Variants in HSPA12A observed in about 807,000 individuals in gnomAD.
The protein encoded by HSPA12A is heat shock 70 kDa protein 12A.
A neutral mutation model predicts 69.2 loss-of-function variants in HSPA12A; 28 were observed. That is an observed-to-expected ratio of 0.40 (90% CI 0.30 to 0.55). HSPA12A has a LOEUF of 0.55. HSPA12A is among the 20% of genes least tolerant of loss of function. The pLI is 0.38. For missense variants in HSPA12A, 686 were observed against 900.7 expected (o/e 0.76, Z 3.05); for synonymous variants, 345 against 370.5 (o/e 0.93, Z 0.79).
chr10:116,722,100 C>T (rs901144470), intron 1 of HSPA12A, among the ~76,000 whole-genome samples: 3 of 152,224 alleles, frequency 2.0e-5, no homozygotes, highest in African/African-American at 4.8e-5. Flanking sequence ...CCCTCCCAGG[C>T]GCAGGCCTGC....
At chr10:116,696,002 CAAAA>C (rs71013609) in intron 5 of HSPA12A, among the ~76,000 whole-genome samples, 10 of 32,722 alleles carry the variant, frequency 3.1e-4, no homozygotes, top group South Asian at 2.3e-3. Flanking sequence ...GACTCCATCT[CAAAA>C]AAAAAAAAAA....
intron 1 of HSPA12A, 51 bp downstream of exon 1, chr10:116,742,378 CT>C: frequency 7.0e-7 from 1 of 1,421,392 alleles, no homozygotes; most frequent in Non-Finnish European, 9.2e-7. Context: ...AGCGCGCCTC[CT>C]CCCTCCCTGC....
chr10:116,745,896 C>G (rs1263568913), upstream of HSPA12A, among the ~76,000 whole-genome samples: 2 of 152,142 alleles, frequency 1.3e-5, no homozygotes, highest in South Asian at 2.1e-4. Flanking sequence ...AACTGAGATA[C>G]AGAAAGGTCA....
chr10:116,678,677 G>A (rs1274018805), intron 10 of HSPA12A, among the ~76,000 whole-genome samples: 1 of 151,678 alleles, frequency 6.6e-6, no homozygotes, highest in African/African-American at 2.4e-5. Context: ...AAGTGTTATC[G>A]TGGTATTGTG....
At chr10:116,849,322 C>G (rs1845978777) in intron 1 of HSPA12A, among the ~76,000 whole-genome samples, 1 of 152,188 alleles carries the variant, frequency 6.6e-6, no homozygotes, top group Non-Finnish European at 1.5e-5. Context: ...CCGGGAGGGC[C>G]CTAGTCTCGG....
intron 2 of HSPA12A, among the ~76,000 whole-genome samples, chr10:116,810,988 T>TA (rs919809181): frequency 3.2e-4 from 49 of 152,102 alleles, no homozygotes; most frequent in African/African-American, 1.2e-3. Flanking sequence ...AAAACAAAGA[T>TA]AATCACCGGC....
intron 10 of HSPA12A, among the ~76,000 whole-genome samples, chr10:116,678,586 G>GAGA (rs1849310750): frequency 7.8e-6 from 1 of 128,674 alleles, no homozygotes; most frequent in African/African-American, 2.9e-5. Context: ...GGTACAAAGT[G>GAGA]AAAAAAAAAA....
chr10:116,838,478 C>G (rs1203030204), intron 1 of HSPA12A, among the ~76,000 whole-genome samples: 1 of 152,198 alleles, frequency 6.6e-6, no homozygotes, highest in Non-Finnish European at 1.5e-5. Context: ...ACACACACAT[C>G]ATCAGTGGAA....
chr10:116,790,184 C>A (rs888120851), intron 2 of HSPA12A, among the ~76,000 whole-genome samples: 1 of 147,450 alleles, frequency 6.8e-6, no homozygotes, highest in African/African-American at 2.5e-5. Flanking sequence ...TCACTGCAGG[C>A]TCCGCGCCCT....
chr10:116,830,599 A>C (rs1194781370), intron 2 of HSPA12A: 1 of 151,950 alleles, frequency 6.6e-6, no homozygotes, highest in Non-Finnish European at 1.5e-5. Flanking sequence ...GTGAAACCCC[A>C]TCTCTACAAA....
At chr10:116,711,605 C>T (rs11815267) in intron 1 of HSPA12A, among the ~76,000 whole-genome samples, 39,971 of 151,400 alleles carry the variant, frequency 0.26, 5,517 homozygotes, top group East Asian at 0.42. Flanking sequence ...TCCCATAATA[C>T]AGAGAGAGTC....
At position 116,686,681 on chromosome 10, in the gene HSPA12A, G is replaced by C. The variant is rs1849583334; in HGVS notation, c.664-2719C>G. 6.6e-6 allele frequency among the ~76,000 whole-genome samples: 1 copy of C among 152,118 alleles called. No individual in the cohort carries two copies. Among genetic ancestry groups the C allele is most frequent in the Non-Finnish European group, 1.5e-5 (1 of 68,022 alleles). The stretch of plus-strand genomic sequence containing the variant: ...GGCCTGGGCCACGGCAGCAGGGACA[G>C]GGATGGGAAGGGAGAAAGGGTGGCA... On this transcript the variant is annotated intron_variant, in intron 6 of 11. Coordinates refer to ENST00000369209, the MANE Select transcript of HSPA12A (RefSeq NM_025015.3). This position sits in a 1 kb window ranked among gnomAD's most constrained non-coding sequence, Gnocchi z 4.1.
intron 10 of HSPA12A, among the ~76,000 whole-genome samples, chr10:116,678,743 T>C (rs1849316042): frequency 6.6e-6 from 1 of 152,212 alleles, no homozygotes; most frequent in African/African-American, 2.4e-5. Flanking sequence ...GATGAGATGC[T>C]AATTTCTAAG....
intron 1 of HSPA12A, among the ~76,000 whole-genome samples, chr10:116,739,777 A>C (rs1447123344): frequency 6.6e-6 from 1 of 152,160 alleles, no homozygotes; most frequent in Non-Finnish European, 1.5e-5. Flanking sequence ...GAAAATTTGC[A>C]AACATACACA....
intron 2 of HSPA12A, among the ~76,000 whole-genome samples, chr10:116,815,099 A>G (rs1277251622): frequency 4.0e-5 from 6 of 148,176 alleles, no homozygotes; most frequent in Admixed American, 2.7e-4. Context: ...ATCCCTACCC[A>G]TTTTTTTTTT....
chr10:116,724,322 C>G (rs1191827319), intron 1 of HSPA12A, among the ~76,000 whole-genome samples: 1 of 152,146 alleles, frequency 6.6e-6, no homozygotes, highest in African/African-American at 2.4e-5. Context: ...TTAAATGTTT[C>G]TGATATATTA....
intron 4 of HSPA12A, among the ~76,000 whole-genome samples, chr10:116,699,086 G>A (rs975745680): frequency 9.2e-5 from 14 of 152,118 alleles, no homozygotes; most frequent in Admixed American, 2.0e-4. Flanking sequence ...TGCAATTTCC[G>A]TACAATTTCC....
At position 116,818,217 on chromosome 10, in the gene HSPA12A, CAT is replaced by C. The variant is rs377632190; in HGVS notation, c.91+16716_91+16717del. On this transcript the variant is annotated intron_variant, in intron 2 of 12. Transcript: ENST00000635765. ...ATCAAGTCTCAATGCCTCAACCTGG[CAT>C]ATGAGCTTGGTCACAATCAGGGACC... 2.7e-4 allele frequency among the ~76,000 whole-genome samples: 41 copies of C among 152,336 alleles called. No homozygotes were observed. The East Asian group carries it at 7.4e-3, about 27-fold the overall frequency.
At chr10:116,695,145 C>G (rs1056138153) in intron 5 of HSPA12A, among the ~76,000 whole-genome samples, 9 of 152,150 alleles carry the variant, frequency 5.9e-5, no homozygotes, top group Non-Finnish European at 1.3e-4. Context: ...CAGAGCCTCC[C>G]TCTCTCCCTG....
Sources: gnomAD v4.1 joint callset for allele counts (sites outside exome capture counted in the v4.1 genomes callset) on GRCh38, gnomAD v4.1.1 for gene constraint, Gnocchi (gnomAD v3.1) non-coding constraint, MANE v1.5 for transcripts, NCBI Gene and HGNC (gene_info 2026-07-23, HGNC 2026-07-21) for gene names.